Variants in FOXE3 observed in about 807,000 individuals in gnomAD.
The protein encoded by FOXE3 is forkhead box E3.
For missense variants in FOXE3, 520 were observed against 507.8 expected (o/e 1.02, Z -0.23); for synonymous variants, 274 against 258.3 (o/e 1.06, Z -0.58).
In FOXE3 at chr1:47,417,064, TCCCGCCCTGCGCTGCCGCCGCCTC is replaced by T. The variant is rs761938618; in HGVS notation, c.756_779del (p.Cys253_Pro260del). 3.5e-5 allele frequency: 48 copies of T among 1,355,684 alleles called. No individual in the cohort carries two copies. The South Asian group carries it at 6.9e-4, about 19-fold the overall frequency. 84.0% of individuals were successfully genotyped at this position (1,355,684 alleles called of 1,614,324 possible). On this transcript the variant is annotated inframe_deletion, in exon 1 of 1. Coordinates refer to ENST00000335071, the MANE Select transcript of FOXE3 (RefSeq NM_012186.3). The surrounding 1 kb of genome is among the most constrained non-coding windows in gnomAD (Gnocchi z 4.3). ...GCGCCCGACGCCGCAGCCGCAGCCT[TCCCGCCCTGCGCTGCCGCCGCCTC>T]CCCGCCACTCTACTCGCAGGTCCCC...
In FOXE3 at chr1:47,417,339, G is replaced by A; in HGVS notation, c.*64G>A. On this transcript the variant is annotated 3_prime_UTR_variant, in exon 1 of 1. Transcript: ENST00000335071. The surrounding 1 kb of genome is among the most constrained non-coding windows in gnomAD (Gnocchi z 4.3). ...CCCGGACCTGCGGCGCCGCCCTCGA[G>A]CGCCCCATCTCTACCCCCCACCCTG... The A allele has an allele frequency of 7.9e-7, 1 of 1,272,960 alleles. No homozygotes were observed. Among genetic ancestry groups the A allele is most frequent in the Non-Finnish European group, 1.0e-6 (1 of 1,002,122 alleles). The allele number at this position is 1,272,960 out of a possible 1,614,324, so 78.9% of individuals were successfully genotyped here. A position where few individuals can be genotyped will look rare whatever the true frequency, so the allele number is the denominator to read the frequency against.
At position 47,417,150 on chromosome 1, in the gene FOXE3, G is replaced by A. The variant is rs1323564121; in HGVS notation, c.835G>A (p.Gly279Ser). ...ACTGCCCGCGACGCGCCCCGGCCCC[G>A]GCCCGCTGCCCGCTGAGCCCCTCCT... ...LVLPATRPGP[G>S]PLPAEPLLAL... Residue 279 changes from glycine to serine, a missense_variant, in exon 1 of 1, where the codon GGC (glycine) becomes AGC (serine). Gly to Ser is a moderately conservative substitution (Grantham distance 56). Coordinates refer to ENST00000335071, the MANE Select transcript of FOXE3 (RefSeq NM_012186.3). This position sits in a 1 kb window ranked among gnomAD's most constrained non-coding sequence, Gnocchi z 4.3. 5.7e-6 allele frequency: 8 copies of A among 1,404,386 alleles called. No individual in the cohort carries two copies. Among genetic ancestry groups the A allele is most frequent in the Non-Finnish European group, 7.4e-6 (8 of 1,083,102 alleles). 87.0% of individuals were successfully genotyped at this position (1,404,386 alleles called of 1,614,324 possible). A position where few individuals can be genotyped will look rare whatever the true frequency, so the allele number is the denominator to read the frequency against.
At position 47,416,873 on chromosome 1, in the gene FOXE3, C is replaced by T; in HGVS notation, c.558C>T (p.Phe186=). The T allele has an allele frequency of 2.2e-6, 3 of 1,362,590 alleles. No homozygotes were observed. Among genetic ancestry groups the T allele is most frequent in the Non-Finnish European group, 2.8e-6 (3 of 1,054,572 alleles). The allele number at this position is 1,362,590 out of a possible 1,614,324, so 84.4% of individuals were successfully genotyped here. ...AAAAPGPPLP[F]PYAPYAPAPG... is the part of the protein sequence containing the mutation. ...CGGCGCCAGGGCCGCCGCTCCCCTT[C>T]CCCTACGCGCCCTACGCGCCCGCGC... The change falls in exon 1 of 1, where the codon TTC becomes TTT. Residue 186 remains phenylalanine (F), a synonymous_variant. Transcript: ENST00000335071. This position sits in a 1 kb window ranked among gnomAD's most constrained non-coding sequence, Gnocchi z 4.2.
chr1:47,416,290 C>T lies in FOXE3; in HGVS notation c.-26C>T. 1 of 1,275,776 alleles carries T rather than the reference C, an allele frequency of 7.8e-7. No homozygotes were observed. The highest frequency in any genetic ancestry group is 9.9e-7 in the Non-Finnish European group (1 of 1,011,938). The allele number at this position is 1,275,776 out of a possible 1,614,324, so 79.0% of individuals were successfully genotyped here. ...TCGGCGGCCCCTGCGGTCCCGGAGC[C>T]GCGCGGGCAGGGGCTGCCGCAGCCG... On this transcript the variant is annotated 5_prime_UTR_variant, in exon 1 of 1. Coordinates refer to ENST00000335071, the MANE Select transcript of FOXE3 (RefSeq NM_012186.3). The surrounding 1 kb of genome is among the most constrained non-coding windows in gnomAD (Gnocchi z 4.2).
At position 47,417,035 on chromosome 1, in the gene FOXE3, C is replaced by A. The variant is rs80358194; in HGVS notation, c.720C>A (p.Cys240Ter). The change falls in exon 1 of 1, where the codon TGC becomes TGA. Residue 240 changes from cysteine (C) to a stop codon, truncating the protein, a stop_gained. Transcript: ENST00000335071. LOFTEE classifies it low-confidence loss of function (END_TRUNC). The surrounding 1 kb of genome is among the most constrained non-coding windows in gnomAD (Gnocchi z 4.3). ...AGLGAPEPPC[C>*]AAPDAAAAAF... Reference sequence around the variant, plus strand: ...TGGGCGCCCCCGAGCCGCCCTGCTGCGCCGCGCCCGACGCCGCAGCCGCAG... The same window carrying A: ...TGGGCGCCCCCGAGCCGCCCTGCTGAGCCGCGCCCGACGCCGCAGCCGCAG... The A allele has an allele frequency of 1.7e-5, 22 of 1,321,262 alleles. 1 individual carries two copies. The South Asian group carries it at 3.9e-4, about 24-fold the overall frequency. The allele number at this position is 1,321,262 out of a possible 1,614,324, so 81.8% of individuals were successfully genotyped here.
chr1:47,417,117 C>T lies in FOXE3; in HGVS notation c.802C>T (p.Arg268Cys), dbSNP rs776244154. The T allele has an allele frequency of 1.4e-6, 2 of 1,399,042 alleles. No homozygotes were observed. Among genetic ancestry groups the T allele is most frequent in the Middle Eastern group, 2.6e-4 (1 of 3,868 alleles). The allele number at this position is 1,399,042 out of a possible 1,614,324, so 86.7% of individuals were successfully genotyped here. ...SPPLYSQVPDRLVLPATRPGP... is the reference protein window; with the variant it reads ...SPPLYSQVPDCLVLPATRPGP... ...GCCACTCTACTCGCAGGTCCCCGAC[C>T]GCCTGGTACTGCCCGCGACGCGCCC... Residue 268 changes from arginine (R) to cysteine (C), a missense_variant, in exon 1 of 1, where the codon CGC (arginine) becomes TGC (cysteine). Transcript: ENST00000335071. This position sits in a 1 kb window ranked among gnomAD's most constrained non-coding sequence, Gnocchi z 4.3.
chr1:47,417,184 C>A lies in FOXE3; in HGVS notation c.869C>A (p.Ala290Asp). 2 of 1,380,426 alleles carry A rather than the reference C, an allele frequency of 1.4e-6. No homozygotes were observed. Among genetic ancestry groups the A allele is most frequent in the Admixed American group, 3.8e-5 (1 of 26,134 alleles). 85.5% of individuals were successfully genotyped at this position (1,380,426 alleles called of 1,614,324 possible). ...CCCGCTGAGCCCCTCCTGGCCTTGG[C>A]CGGGCCGGCAGCCGCTCTCGGCCCG... is the stretch of plus-strand genomic sequence containing the variant. ...PLPAEPLLALAGPAAALGPLS... is the reference protein window; with the variant it reads ...PLPAEPLLALDGPAAALGPLS... Residue 290 changes from alanine (A) to aspartate (D), a missense_variant, in exon 1 of 1, where the codon GCC becomes GAC. Physicochemically the swap from Ala to Asp is moderately radical, Grantham distance 126. Transcript: ENST00000335071. The surrounding 1 kb of genome is among the most constrained non-coding windows in gnomAD (Gnocchi z 4.3).
In FOXE3 at chr1:47,416,934, G is replaced by T; in HGVS notation, c.619G>T (p.Gly207Ter). ...PALLVPPPSA[G>*]PGPSPPARLF... ...GCTGCTGGTGCCGCCGCCTTCTGCC[G>T]GACCGGGCCCCTCGCCGCCCGCGCG... Residue 207 changes from glycine to a stop codon, truncating the protein, a stop_gained, in exon 1 of 1, where the codon GGA (glycine) becomes TGA (stop). Transcript: ENST00000335071. LOFTEE classifies it low-confidence loss of function (END_TRUNC). This position sits in a 1 kb window ranked among gnomAD's most constrained non-coding sequence, Gnocchi z 4.2. 1 of 1,326,386 alleles carries T rather than the reference G, an allele frequency of 7.5e-7. No individual in the cohort carries two copies. The highest frequency in any genetic ancestry group is 4.0e-5 in the East Asian group (1 of 24,772). The allele number at this position is 1,326,386 out of a possible 1,614,324, so 82.2% of individuals were successfully genotyped here.
In FOXE3 at chr1:47,416,406, C is replaced by T. The variant is rs1037554225; in HGVS notation, c.91C>T (p.Pro31Ser). The change falls in exon 1 of 1, where the codon CCG (proline) becomes TCG (serine). Residue 31 changes from proline to serine, a missense_variant. Transcript: ENST00000335071. This position sits in a 1 kb window ranked among gnomAD's most constrained non-coding sequence, Gnocchi z 4.2. ...AVAPSGPPPS[P>S]LAGAEPGREP... is the part of the protein sequence containing the mutation. ...CGCGCCGTCGGGGCCGCCGCCGTCGCCGCTCGCAGGAGCCGAGCCAGGGCG... is the reference window on the plus strand; with the variant it reads ...CGCGCCGTCGGGGCCGCCGCCGTCGTCGCTCGCAGGAGCCGAGCCAGGGCG... 2.4e-5 allele frequency: 31 copies of T among 1,294,762 alleles called. No homozygotes were observed. Among genetic ancestry groups the T allele is most frequent in the Non-Finnish European group, 3.0e-5 (30 of 1,014,818 alleles). 80.2% of individuals were successfully genotyped at this position (1,294,762 alleles called of 1,614,324 possible). A position where few individuals can be genotyped will look rare whatever the true frequency, so the allele number is the denominator to read the frequency against.
In FOXE3 at chr1:47,416,573, C is replaced by G. The variant is rs1225853707; in HGVS notation, c.258C>G (p.His86Gln). Residue 86 changes from histidine to glutamine, a missense_variant, in exon 1 of 1, where the codon CAC becomes CAG. Physicochemically the swap from His to Gln is conservative, Grantham distance 24. Transcript: ENST00000335071. This position sits in a 1 kb window ranked among gnomAD's most constrained non-coding sequence, Gnocchi z 4.2. ...CGCTCATCGCCATGGCTCTGGCGCACGCCCCGGGCCGCCGCCTCACGCTGG... is the reference window on the plus strand; with the variant it reads ...CGCTCATCGCCATGGCTCTGGCGCAGGCCCCGGGCCGCCGCCTCACGCTGG... Reference protein sequence around the residue: ...YIALIAMALAHAPGRRLTLAA... With the variant: ...YIALIAMALAQAPGRRLTLAA... 1.2e-6 allele frequency: 2 copies of G among 1,604,320 alleles called. No individual in the cohort carries two copies. Among genetic ancestry groups the G allele is most frequent in the South Asian group, 2.2e-5 (2 of 90,302 alleles).
In FOXE3 at chr1:47,416,299, A is replaced by G. The variant is rs1557447640; in HGVS notation, c.-17A>G. 1 of 1,300,732 alleles carries G rather than the reference A, an allele frequency of 7.7e-7. No individual in the cohort carries two copies. Among genetic ancestry groups the G allele is most frequent in the Admixed American group, 3.4e-5 (1 of 29,816 alleles). 80.6% of individuals were successfully genotyped at this position (1,300,732 alleles called of 1,614,324 possible). ...CCTGCGGTCCCGGAGCCGCGCGGGCAGGGGCTGCCGCAGCCGATGGCGGGG... is the reference window on the plus strand; with the variant it reads ...CCTGCGGTCCCGGAGCCGCGCGGGCGGGGGCTGCCGCAGCCGATGGCGGGG... On this transcript the variant is annotated 5_prime_UTR_variant, in exon 1 of 1. Transcript: ENST00000335071. This position sits in a 1 kb window ranked among gnomAD's most constrained non-coding sequence, Gnocchi z 4.2.
rs571095192 is a variant in FOXE3, at chr1:47,417,244, G to A, written c.929G>A (p.Gly310Asp). 6.7e-4 allele frequency: 902 copies of A among 1,355,330 alleles called. 14 individuals carry two copies. The Admixed American group carries it at 0.015, about 23-fold the overall frequency. 84.0% of individuals were successfully genotyped at this position (1,355,330 alleles called of 1,614,324 possible). A position where few individuals can be genotyped will look rare whatever the true frequency, so the allele number is the denominator to read the frequency against. The change falls in exon 1 of 1, where the codon GGC (glycine) becomes GAC (aspartate). Residue 310 changes from glycine to aspartate, a missense_variant. Transcript: ENST00000335071. The surrounding 1 kb of genome is among the most constrained non-coding windows in gnomAD (Gnocchi z 4.3). ...GGGGAGGCCTACCTGAGGCAGCCGG[G>A]CTTCGCGTCGGGGCTGGAGCGCTAC... Reference protein sequence around the residue: ...SPGEAYLRQPGFASGLERYL With the variant: ...SPGEAYLRQPDFASGLERYL
rs762006562 is a variant in FOXE3 at position 47,416,606 on chromosome 1, C to G, written c.291C>G (p.Ile97Met). ...GCCGCCGCCTCACGCTGGCCGCCAT[C>G]TACCGCTTCATCACCGAACGCTTTG... ...APGRRLTLAAIYRFITERFAF... is the reference protein window; with the variant it reads ...APGRRLTLAAMYRFITERFAF... The change falls in exon 1 of 1, where the codon ATC becomes ATG. Residue 97 changes from isoleucine to methionine, a missense_variant. Transcript: ENST00000335071. The surrounding 1 kb of genome is among the most constrained non-coding windows in gnomAD (Gnocchi z 4.2). The G allele has an allele frequency of 3.1e-6, 5 of 1,609,466 alleles. No individual in the cohort carries two copies. In the Admixed American group the frequency reaches 8.4e-5, roughly 27 times the overall value.
chr1:47,417,019 C>T lies in FOXE3; in HGVS notation c.704C>T (p.Pro235Leu). The change falls in exon 1 of 1, where the codon CCC (proline) becomes CTC (leucine). Residue 235 changes from proline (P) to leucine (L), a missense_variant. Transcript: ENST00000335071. This position sits in a 1 kb window ranked among gnomAD's most constrained non-coding sequence, Gnocchi z 4.3. ...CCGGAGCTAGCGGGGCTGGGCGCCC[C>T]CGAGCCGCCCTGCTGCGCCGCGCCC... ...LQPELAGLGA[P>L]EPPCCAAPDA... 1.5e-6 allele frequency: 2 copies of T among 1,338,500 alleles called. No homozygotes were observed. The highest frequency in any genetic ancestry group is 9.6e-7 in the Non-Finnish European group (1 of 1,041,166). The allele number at this position is 1,338,500 out of a possible 1,614,324, so 82.9% of individuals were successfully genotyped here.
In FOXE3 at chr1:47,417,255, G is replaced by T; in HGVS notation, c.940G>T (p.Gly314Trp). 3 of 1,365,268 alleles carry T rather than the reference G, an allele frequency of 2.2e-6. No homozygotes were observed. In the South Asian group the frequency reaches 5.2e-5, roughly 24 times the overall value. 84.6% of individuals were successfully genotyped at this position (1,365,268 alleles called of 1,614,324 possible). The stretch of plus-strand genomic sequence containing the variant: ...CCTGAGGCAGCCGGGCTTCGCGTCG[G>T]GGCTGGAGCGCTACCTGTGAGCCTG... ...AYLRQPGFAS[G>W]LERYL is the part of the protein sequence containing the mutation. The change falls in exon 1 of 1, where the codon GGG (glycine) becomes TGG (tryptophan). Residue 314 changes from glycine (G) to tryptophan (W), a missense_variant. By Grantham distance (184) the Gly-to-Trp change is radical (BLOSUM62 -2). Coordinates refer to ENST00000335071, the MANE Select transcript of FOXE3 (RefSeq NM_012186.3). The surrounding 1 kb of genome is among the most constrained non-coding windows in gnomAD (Gnocchi z 4.3).
rs760099494 is a variant in FOXE3, at chr1:47,416,848, C to T, written c.533C>T (p.Ala178Val). ...GCCGAGCTGCCCGCGCACGCGGCCG[C>T]GGCGCCAGGGCCGCCGCTCCCCTTC... ...KRAELPAHAA[A>V]APGPPLPFPY... Residue 178 changes from alanine to valine, a missense_variant, in exon 1 of 1, where the codon GCG becomes GTG. Coordinates refer to ENST00000335071, the MANE Select transcript of FOXE3 (RefSeq NM_012186.3). This position sits in a 1 kb window ranked among gnomAD's most constrained non-coding sequence, Gnocchi z 4.2. 6.9e-7 allele frequency: 1 copy of T among 1,439,128 alleles called. No homozygotes were observed. The highest frequency in any genetic ancestry group is 1.4e-5 in the South Asian group (1 of 71,064). The allele number at this position is 1,439,128 out of a possible 1,614,324, so 89.1% of individuals were successfully genotyped here.
chr1:47,417,302 T>G lies in FOXE3; in HGVS notation c.*27T>G. On this transcript the variant is annotated 3_prime_UTR_variant, in exon 1 of 1. Coordinates refer to ENST00000335071, the MANE Select transcript of FOXE3 (RefSeq NM_012186.3). The surrounding 1 kb of genome is among the most constrained non-coding windows in gnomAD (Gnocchi z 4.3). The stretch of plus-strand genomic sequence containing the variant: ...CCTGCGCCGCGCGGGCAGGCACCTG[T>G]GCGACCTGTGCCCCGGACCTGCGGC... 1 of 1,329,996 alleles carries G rather than the reference T, an allele frequency of 7.5e-7. No homozygotes were observed. The highest frequency in any genetic ancestry group is 9.6e-7 in the Non-Finnish European group (1 of 1,041,544). The allele number at this position is 1,329,996 out of a possible 1,614,324, so 82.4% of individuals were successfully genotyped here. A position where few individuals can be genotyped will look rare whatever the true frequency, so the allele number is the denominator to read the frequency against.
Position 47,417,507 on chromosome 1 carries a change from T to G in FOXE3, c.*232T>G. The G allele has an allele frequency of 2.7e-6, 1 of 366,992 alleles. No homozygotes were observed. Among genetic ancestry groups the G allele is most frequent in the East Asian group, 4.3e-5 (1 of 23,440 alleles). The allele number at this position is 366,992 out of a possible 1,614,324, so 22.7% of individuals were successfully genotyped here. A position where few individuals can be genotyped will look rare whatever the true frequency, so the allele number is the denominator to read the frequency against. On this transcript the variant is annotated 3_prime_UTR_variant, in exon 1 of 1. Transcript: ENST00000335071. This position sits in a 1 kb window ranked among gnomAD's most constrained non-coding sequence, Gnocchi z 4.3. Reference sequence around the variant, plus strand: ...TCCCCTTTGACCTGCCAGCCTCTCATTTCTTCTCCCTCCACTTGTGAGCGC... The same window carrying G: ...TCCCCTTTGACCTGCCAGCCTCTCAGTTCTTCTCCCTCCACTTGTGAGCGC...
At position 47,416,719 on chromosome 1, in the gene FOXE3, A is replaced by G. The variant is rs372281087; in HGVS notation, c.404A>G (p.Glu135Gly). The change falls in exon 1 of 1, where the codon GAG becomes GGG. Residue 135 changes from glutamate to glycine, a missense_variant. Physicochemically the swap from Glu to Gly is moderately conservative, Grantham distance 98 (BLOSUM62 -2). Coordinates refer to ENST00000335071, the MANE Select transcript of FOXE3 (RefSeq NM_012186.3). This position sits in a 1 kb window ranked among gnomAD's most constrained non-coding sequence, Gnocchi z 4.2. ...GACTGCTTCGTCAAGGTGCCCCGCGAGCCGGGCAACCCGGGCAAGGGCAAC... is the reference window on the plus strand; with the variant it reads ...GACTGCTTCGTCAAGGTGCCCCGCGGGCCGGGCAACCCGGGCAAGGGCAAC... Reference protein sequence around the residue: ...LNDCFVKVPREPGNPGKGNYW... With the variant: ...LNDCFVKVPRGPGNPGKGNYW... 6.8e-5 allele frequency: 109 copies of G among 1,608,910 alleles called. No individual in the cohort carries two copies. The highest frequency in any genetic ancestry group is 8.9e-5 in the Non-Finnish European group (105 of 1,177,520).
Sources: gnomAD v4.1 joint callset for allele counts on GRCh38, gnomAD v4.1.1 for gene constraint, Gnocchi (gnomAD v3.1) non-coding constraint, MANE v1.5 for transcripts, NCBI Gene and HGNC (gene_info 2026-07-23, HGNC 2026-07-21) for gene names.